FAM135B: variants seen among roughly 807,000 people sequenced by gnomAD.
FAM135B encodes family with sequence similarity 135 member B.
A neutral mutation model predicts 127.7 loss-of-function variants in FAM135B; 43 were observed. The observed-to-expected ratio is 0.34, with a 90% CI of 0.26 to 0.43. The LOEUF (loss-of-function observed/expected upper bound fraction) is 0.43, where lower values mean the gene tolerates loss of function less well. FAM135B is among the 20% of genes least tolerant of loss of function. The pLI is 1.00. For synonymous variants in FAM135B, 670 were observed against 665.1 expected, an observed-to-expected ratio of 1.01 and a Z score of -0.11; for missense variants, 1,558 against 1,725.6, an observed-to-expected ratio of 0.90 and a Z score of 1.72.
At chr8:138,484,046 G>T (rs1277700224) in intron 1 of FAM135B, among the ~76,000 whole-genome samples, 1 of 152,156 alleles carries the variant, frequency 6.6e-6, no homozygotes, top group Non-Finnish European at 1.5e-5. Context: ...AAAGTGAAAG[G>T]ATGAACACCT....
intron 2 of FAM135B, among the ~76,000 whole-genome samples, chr8:138,346,770 A>T (rs1457439425): frequency 6.6e-6 from 1 of 152,192 alleles, no homozygotes; most frequent in Non-Finnish European, 1.5e-5. Flanking sequence ...ACTGTGGCAC[A>T]CATTTACCTA....
chr8:138,189,840 AATAAG>A (rs1239667096), intron 9 of FAM135B, among the ~76,000 whole-genome samples: 1 of 152,186 alleles, frequency 6.6e-6, no homozygotes, highest in African/African-American at 2.4e-5. Flanking sequence ...GTGGAGTCCT[AATAAG>A]ATAAGTCAGC....
At chr8:138,491,167 A>AAAAAAAAAAAC (rs1564040507) in intron 1 of FAM135B, among the ~76,000 whole-genome samples, 48 of 151,414 alleles carry the variant, frequency 3.2e-4, no homozygotes, top group African/African-American at 1.1e-3. Flanking sequence ...AAAGAAAGAA[A>AAAAAAAAAAAC]GAAAGAAAGA....
intron 1 of FAM135B, among the ~76,000 whole-genome samples, chr8:138,484,538 G>A (rs1199876993): frequency 6.6e-6 from 1 of 152,080 alleles, no homozygotes; most frequent in Non-Finnish European, 1.5e-5. Context: ...GCTAATGATG[G>A]CCCTGCATGA....
chr8:138,152,580 C>T lies in FAM135B; in HGVS notation c.1895G>A (p.Ser632Asn). Residue 632 changes from serine (S) to asparagine (N), a missense_variant, in exon 13 of 20, where the codon AGC (serine) becomes AAC (asparagine). Coordinates refer to ENST00000395297, the MANE Select transcript of FAM135B (RefSeq NM_015912.4). The part of the protein sequence containing the change: ...IDQEGKMVLL[S>N]LKLTPSEPCD... Reference sequence around the variant, plus strand: ...GGGCTCAGAGGGGGTGAGTTTCAAGCTTAGCAGCACCATCTTCCCCTCTTG... The same window carrying T: ...GGGCTCAGAGGGGGTGAGTTTCAAGTTTAGCAGCACCATCTTCCCCTCTTG... The T allele has an allele frequency of 1.2e-6, 2 of 1,614,190 alleles. No individual in the cohort carries two copies.
At chr8:138,454,576 G>T (rs577328772) in intron 1 of FAM135B, among the ~76,000 whole-genome samples, 2 of 152,136 alleles carry the variant, frequency 1.3e-5, no homozygotes, top group Non-Finnish European at 2.9e-5. Context: ...CAGAACCAGG[G>T]CTAGTACTGA....
At position 138,198,510 on chromosome 8, in the gene FAM135B, T is replaced by A. The variant is rs545995747; in HGVS notation, c.670-841A>T. 5.3e-4 allele frequency among the ~76,000 whole-genome samples: 81 copies of A among 152,190 alleles called. 1 individual carries two copies. The highest frequency in any genetic ancestry group is 1.9e-3 in the African/African-American group (80 of 41,514). On this transcript the variant is annotated intron_variant, in intron 7 of 19. Coordinates refer to ENST00000395297, the MANE Select transcript of FAM135B (RefSeq NM_015912.4). Reference sequence around the variant, plus strand: ...TTGTAGCAGGTGGGTGAGCAGTAGGTCGTGCTGAAAAGGAGGAAAAGAAAG... The same window carrying A: ...TTGTAGCAGGTGGGTGAGCAGTAGGACGTGCTGAAAAGGAGGAAAAGAAAG...
rs75321851 is a variant in FAM135B at position 138,216,121 on chromosome 8, A to G, written c.670-18452T>C. ...GGAACAATCTGAAGACTTGGTTCCA[A>G]TAGGGTTTCCTTGTCATATCAACTC... On this transcript the variant is annotated intron_variant, in intron 7 of 19. Coordinates refer to ENST00000395297, the MANE Select transcript of FAM135B (RefSeq NM_015912.4). 4.9e-3 allele frequency among the ~76,000 whole-genome samples: 751 copies of G among 152,322 alleles called. 2 individuals carry two copies. Among genetic ancestry groups the G allele is most frequent in the Non-Finnish European group, 8.3e-3 (563 of 68,026 alleles).
At chr8:138,134,060 A>C (rs950249873) in intron 19 of FAM135B, among the ~76,000 whole-genome samples, 1 of 152,202 alleles carries the variant, frequency 6.6e-6, no homozygotes, top group Admixed American at 6.5e-5. Flanking sequence ...GGTCATTACA[A>C]CAGGCAATAA....
At chr8:138,309,665 T>C (rs1043717238) in intron 3 of FAM135B, among the ~76,000 whole-genome samples, 1 of 152,194 alleles carries the variant, frequency 6.6e-6, no homozygotes, top group Admixed American at 6.5e-5. Flanking sequence ...ATGTGATTCC[T>C]CTCACCATAA....
chr8:138,255,346 G>C (rs1391107073), intron 5 of FAM135B, among the ~76,000 whole-genome samples: 1 of 152,166 alleles, frequency 6.6e-6, no homozygotes, highest in African/African-American at 2.4e-5. Context: ...TGCAGATAGT[G>C]GTCAGTGTGT....
intron 1 of FAM135B, among the ~76,000 whole-genome samples, chr8:138,385,345 G>A (rs1832127682): frequency 6.6e-6 from 1 of 152,102 alleles, no homozygotes; most frequent in South Asian, 2.1e-4. Context: ...TTACCTCCAG[G>A]AAAGCTGCAC....
At chr8:138,384,893 G>A (rs1832092129) in intron 1 of FAM135B, among the ~76,000 whole-genome samples, 1 of 151,966 alleles carries the variant, frequency 6.6e-6, no homozygotes, top group African/African-American at 2.4e-5. Context: ...GCAGCAGAGG[G>A]GATGGGAGAC....
Position 138,175,999 on chromosome 8 carries a change from CTGT to C in FAM135B, c.1103+1345_1103+1347del, listed in dbSNP as rs1230787674. Reference sequence around the variant, plus strand: ...CATGCCCATTATGTCCTCACAATTGCTGTCTTACCCACTGTGTGGATAAGGAAG... The same window carrying C: ...CATGCCCATTATGTCCTCACAATTGCCTTACCCACTGTGTGGATAAGGAAG... On this transcript the variant is annotated intron_variant, in intron 11 of 19. Transcript: ENST00000395297. Among the ~76,000 whole-genome samples, 3 of 152,184 alleles carry C rather than the reference CTGT, an allele frequency of 2.0e-5. No homozygotes were observed. In the East Asian group the frequency reaches 5.8e-4, roughly 29 times the overall value.
rs143455685 is a variant in FAM135B at position 138,232,747 on chromosome 8, T to C, written c.669+10195A>G. ...TTTCTTTAAATAACTTGTGTTTTTA[T>C]GTTTTCTTGGTAACTTATTTTTTAT... On this transcript the variant is annotated intron_variant, in intron 7 of 19. Coordinates refer to ENST00000395297, the MANE Select transcript of FAM135B (RefSeq NM_015912.4). Among the ~76,000 whole-genome samples, 10 of 152,354 alleles carry C rather than the reference T, an allele frequency of 6.6e-5. No homozygotes were observed. In the East Asian group the frequency reaches 1.7e-3, roughly 26 times the overall value.
At chr8:138,216,808 A>G (rs903423823) in intron 7 of FAM135B, among the ~76,000 whole-genome samples, 1 of 152,178 alleles carries the variant, frequency 6.6e-6, no homozygotes, top group Non-Finnish European at 1.5e-5. Context: ...TGCAATAAGC[A>G]TATTCATATA....
At position 138,265,695 on chromosome 8, in the gene FAM135B, T is replaced by A. The variant is rs1239341759; in HGVS notation, c.297+8A>T. ...CTACTTGTGGCTGGTGGTAGATTCA[T>A]GACTTACCCTTTCACCACCCAAGAG... On this transcript the variant is annotated splice_region_variant and intron_variant, in intron 4 of 19. Transcript: ENST00000395297. 1 of 1,614,038 alleles carries A rather than the reference T, an allele frequency of 6.2e-7. No individual in the cohort carries two copies. The highest frequency in any genetic ancestry group is 1.1e-5 in the South Asian group (1 of 91,074).
intron 1 of FAM135B, among the ~76,000 whole-genome samples, chr8:138,397,189 A>G (rs553781571): frequency 3.3e-4 from 50 of 152,292 alleles, no homozygotes; most frequent in African/African-American, 1.1e-3. Flanking sequence ...TGACAGACGA[A>G]ATGTTTCACA....
At chr8:138,143,569 C>T (rs1471296673) in intron 15 of FAM135B, among the ~76,000 whole-genome samples, 3 of 152,052 alleles carry the variant, frequency 2.0e-5, no homozygotes, top group East Asian at 3.9e-4. Flanking sequence ...TGGGAAGGAT[C>T]GTAAAGTCAC....
Sources: allele counts gnomAD v4.1 joint callset (sites outside exome capture counted in the v4.1 genomes callset), GRCh38; gene constraint gnomAD v4.1.1; transcripts MANE v1.5; gene names NCBI Gene and HGNC (gene_info 2026-07-23, HGNC 2026-07-21).